TWSG1: variants seen among roughly 807,000 people sequenced by gnomAD.
TWSG1 encodes the protein twisted gastrulation BMP signaling modulator 1.
TWSG1 carries 15 observed loss-of-function variants against 23.0 expected under a neutral mutation model. That is an observed-to-expected ratio of 0.65 (90% CI 0.44 to 1.00). The LOEUF (loss-of-function observed/expected upper bound fraction) is 1.00. Among genes scored for constraint, TWSG1 ranks in the 50% least tolerant of loss-of-function variants. The pLI, the probability that TWSG1 is intolerant of heterozygous loss-of-function variation, is 0.00. For synonymous variants in TWSG1, 86 were observed against 92.8 expected (o/e 0.93, Z 0.42); for missense variants, 242 against 278.7 (o/e 0.87, Z 0.94).
At chr18:9,352,400 G>A (rs978740809) in intron 2 of TWSG1, among the ~76,000 whole-genome samples, 1 of 152,066 alleles carries the variant, frequency 6.6e-6, no homozygotes, top group Non-Finnish European at 1.5e-5. Context: ...TCCCATATGG[G>A]TCTTTTTATG....
At chr18:9,398,493 T>G (rs1379492238) in intron 4 of TWSG1, among the ~76,000 whole-genome samples, 1 of 152,076 alleles carries the variant, frequency 6.6e-6, no homozygotes, top group African/African-American at 2.4e-5. Context: ...GTTTCACTCT[T>G]GTTGCCCAGG....
Position 9,380,310 on chromosome 18 carries a change from A to T in TWSG1, c.224-15970A>T, listed in dbSNP as rs796931536. Among the ~76,000 whole-genome samples the T allele has an allele frequency of 2.1e-4, 32 of 152,206 alleles. 1 individual carries two copies. The highest frequency in any genetic ancestry group is 7.7e-4 in the African/African-American group (32 of 41,550). On this transcript the variant is annotated intron_variant, in intron 3 of 4. Transcript: ENST00000262120. Reference sequence around the variant, plus strand: ...AGGAAACTGTGGCCAGAACTCAGTGACCTCCTAAGGTCAAATAACTAGTAT... The same window carrying T: ...AGGAAACTGTGGCCAGAACTCAGTGTCCTCCTAAGGTCAAATAACTAGTAT...
In TWSG1 at chr18:9,382,814, A is replaced by AAAAAC. The variant is rs34544881; in HGVS notation, c.224-13462_224-13461insCAAAA. On this transcript the variant is annotated intron_variant, in intron 3 of 4. Coordinates refer to ENST00000262120, the MANE Select transcript of TWSG1 (RefSeq NM_020648.6). ...AGAGTAAGACTCCGTCTCAAAAAAAAAAAAACAAAAACAAAAAGAAGTCTG... is the reference window on the plus strand; with the variant it reads ...AGAGTAAGACTCCGTCTCAAAAAAAAAAAACAAAAACAAAAACAAAAAGAAGTCTG... Among the ~76,000 whole-genome samples, 82 of 137,070 alleles carry AAAAAC rather than the reference A, an allele frequency of 6.0e-4. 1 individual carries two copies. The highest frequency in any genetic ancestry group is 9.7e-4 in the African/African-American group (36 of 37,218). 89.9% of individuals were successfully genotyped at this position (137,070 alleles called of 152,430 possible).
Position 9,336,247 on chromosome 18 carries a change from C to T in TWSG1, c.-37-946C>T, listed in dbSNP as rs372816106. Among the ~76,000 whole-genome samples, 68 of 152,122 alleles carry T rather than the reference C, an allele frequency of 4.5e-4. 1 individual carries two copies. The East Asian group carries it at 7.1e-3, about 16-fold the overall frequency. ...TCTCTACTAAAAATACAAAAATTAGCGGGGCGTGGTGATAGGCTCCTGTGA... is the reference window on the plus strand; with the variant it reads ...TCTCTACTAAAAATACAAAAATTAGTGGGGCGTGGTGATAGGCTCCTGTGA... On this transcript the variant is annotated intron_variant, in intron 1 of 4. Transcript: ENST00000262120.
chr18:9,385,405 C>T lies in TWSG1; in HGVS notation c.224-10875C>T, dbSNP rs1399977390. ...AATAAGTGTAGCTTAAAAGAAAGAA[C>T]GGGCCGGGCGCGGTGGCTCACGCCT... is the stretch of plus-strand genomic sequence containing the variant. On this transcript the variant is annotated intron_variant, in intron 3 of 4. Coordinates refer to ENST00000262120, the MANE Select transcript of TWSG1 (RefSeq NM_020648.6). 8.2e-5 allele frequency among the ~76,000 whole-genome samples: 9 copies of T among 109,766 alleles called. 2 individuals are homozygous for T. The highest frequency in any genetic ancestry group is 1.2e-4 in the African/African-American group (3 of 24,260). 72.0% of individuals were successfully genotyped at this position (109,766 alleles called of 152,430 possible). A position where few individuals can be genotyped will look rare whatever the true frequency, so the allele number is the denominator to read the frequency against.
chr18:9,335,426 C>T (rs1029644122), intron 1 of TWSG1, among the ~76,000 whole-genome samples: 1 of 152,318 alleles, frequency 6.6e-6, no homozygotes. Flanking sequence ...AATTCTATTA[C>T]CTGATTTCGA....
At chr18:9,355,572 A>T (rs1028303490) in intron 2 of TWSG1, among the ~76,000 whole-genome samples, 1 of 152,224 alleles carries the variant, frequency 6.6e-6, no homozygotes, top group African/African-American at 2.4e-5. Context: ...GATGAGCTTC[A>T]TAAAACTGCT....
intron 2 of TWSG1, among the ~76,000 whole-genome samples, chr18:9,344,621 T>C (rs1442703340): frequency 6.7e-6 from 1 of 150,302 alleles, no homozygotes; most frequent in Non-Finnish European, 1.5e-5. Flanking sequence ...CTCAACCTCC[T>C]GGACTCAAGC....
chr18:9,384,705 G>A (rs2040674168), intron 3 of TWSG1, among the ~76,000 whole-genome samples: 1 of 151,702 alleles, frequency 6.6e-6, no homozygotes, highest in Admixed American at 6.6e-5. Flanking sequence ...GAGTGCAGTG[G>A]CTCAACCTTG....
intron 3 of TWSG1, among the ~76,000 whole-genome samples, chr18:9,364,233 T>C (rs2040566657): frequency 6.6e-6 from 1 of 152,234 alleles, no homozygotes; most frequent in African/African-American, 2.4e-5. Flanking sequence ...ACTTGTTAGT[T>C]GGTCTTTTCT....
intron 2 of TWSG1, among the ~76,000 whole-genome samples, chr18:9,338,737 G>A (rs1299585537): frequency 6.6e-6 from 1 of 152,174 alleles, no homozygotes; most frequent in Non-Finnish European, 1.5e-5. Context: ...GTCAGATGAG[G>A]AGTCTGTGGT....
chr18:9,399,617 TC>T lies in TWSG1; in HGVS notation c.*93del. The T allele has an allele frequency of 8.6e-7, 1 of 1,162,780 alleles. No homozygotes were observed. The highest frequency in any genetic ancestry group is 1.6e-5 in the African/African-American group (1 of 63,714). The allele number at this position is 1,162,780 out of a possible 1,614,324, so 72.0% of individuals were successfully genotyped here. On this transcript the variant is annotated 3_prime_UTR_variant, in exon 5 of 5. Coordinates refer to ENST00000262120, the MANE Select transcript of TWSG1 (RefSeq NM_020648.6). ...CTGTTGGTTGTATCTTGTATCAGAA[TC>T]CCAGTAAGTTAAGTTGTAAAGACTT...
At chr18:9,390,141 T>C (rs1257290209) in intron 3 of TWSG1, among the ~76,000 whole-genome samples, 2 of 146,082 alleles carry the variant, frequency 1.4e-5, no homozygotes, top group East Asian at 2.0e-4. Flanking sequence ...AAGGCTGGAG[T>C]ATCTGTGACA....
intron 3 of TWSG1, among the ~76,000 whole-genome samples, chr18:9,376,041 A>G (rs2040628957): frequency 6.6e-6 from 1 of 152,038 alleles, no homozygotes; most frequent in Non-Finnish European, 1.5e-5. Context: ...CAGCCTCCCA[A>G]GTATCTGGGA....
Position 9,390,921 on chromosome 18 carries a change from G to A in TWSG1, c.224-5359G>A, listed in dbSNP as rs558586915. ...CTAGCTACTTGGGAGGCTCAGGTGG[G>A]AGGATCCACTTGAATCCAAGAGTTC... On this transcript the variant is annotated intron_variant, in intron 3 of 4. Coordinates refer to ENST00000262120, the MANE Select transcript of TWSG1 (RefSeq NM_020648.6). Among the ~76,000 whole-genome samples the A allele has an allele frequency of 6.6e-5, 10 of 152,278 alleles. No homozygotes were observed. In the South Asian group the frequency reaches 1.9e-3, roughly 28 times the overall value.
intron 2 of TWSG1, among the ~76,000 whole-genome samples, chr18:9,344,274 C>G (rs1233621811): frequency 6.6e-6 from 1 of 152,124 alleles, no homozygotes; most frequent in African/African-American, 2.4e-5. Flanking sequence ...TATGGCAACT[C>G]TGTGTTTAAC....
In TWSG1 at chr18:9,391,762, G is replaced by T. The variant is rs184640057; in HGVS notation, c.224-4518G>T. Among the ~76,000 whole-genome samples the T allele has an allele frequency of 1.5e-3, 221 of 152,290 alleles. 2 individuals carry two copies. Among genetic ancestry groups the T allele is most frequent in the African/African-American group, 5.1e-3 (214 of 41,554 alleles). On this transcript the variant is annotated intron_variant, in intron 3 of 4. Coordinates refer to ENST00000262120, the MANE Select transcript of TWSG1 (RefSeq NM_020648.6). ...GATAGATATATTTCTGAGATAATAA[G>T]ACTTGCAAGTTGAAATGACTCTCTC...
intron 3 of TWSG1, among the ~76,000 whole-genome samples, chr18:9,382,165 G>T (rs1278805746): frequency 1.3e-5 from 2 of 151,086 alleles, no homozygotes; most frequent in East Asian, 1.9e-4. Context: ...CTCATCACTG[G>T]AAAGTTCTAA....
chr18:9,358,593 A>C (rs2040537879), intron 2 of TWSG1, among the ~76,000 whole-genome samples: 1 of 152,084 alleles, frequency 6.6e-6, no homozygotes, highest in Admixed American at 6.6e-5. Context: ...TATTTGGAGG[A>C]GGGGGGTCTT....
Sources: allele counts gnomAD v4.1 joint callset (sites outside exome capture counted in the v4.1 genomes callset), GRCh38; gene constraint gnomAD v4.1.1; transcripts MANE v1.5; gene names NCBI Gene and HGNC (gene_info 2026-07-23, HGNC 2026-07-21).